HDAC4: variants seen among roughly 807,000 people sequenced by gnomAD.
The protein encoded by HDAC4 is histone deacetylase A.
Under a neutral mutation model 135.1 loss-of-function variants are expected in HDAC4, and 16 were observed. The ratio of observed to expected loss-of-function variants is 0.12; its 90% CI spans 0.08 to 0.18. The LOEUF (loss-of-function observed/expected upper bound fraction) is 0.18. Among genes scored for constraint, HDAC4 ranks in the 10% least tolerant of loss-of-function variants. HDAC4 has a pLI of 1.00. For missense variants in HDAC4, 1,143 were observed against 1,511.8 expected (o/e 0.76, Z 4.05); for synonymous variants, 685 against 653.4 (o/e 1.05, Z -0.74).
At position 239,353,680 on chromosome 2, in the gene HDAC4, C is replaced by T. The variant is rs190782733; in HGVS notation, c.-219-762G>A. Among the ~76,000 whole-genome samples the T allele has an allele frequency of 5.9e-5, 9 of 152,262 alleles. No homozygotes were observed. The East Asian group carries it at 1.5e-3, about 26-fold the overall frequency. ...TCTGATCTAGAGACACCTTCCTTAC[C>T]CCTTCCAGAAGTTTCTCCAACATTA... On this transcript the variant is annotated intron_variant, in intron 1 of 26. Transcript: ENST00000543185.
chr2:239,352,934 G>A lies in HDAC4; in HGVS notation c.-219-16C>T, dbSNP rs886845101. The A allele has an allele frequency of 5.3e-6, 3 of 561,266 alleles. No homozygotes were observed. The highest frequency in any genetic ancestry group is 6.4e-6 in the Non-Finnish European group (2 of 312,856). 34.8% of individuals were successfully genotyped at this position (561,266 alleles called of 1,614,324 possible). The stretch of plus-strand genomic sequence containing the variant: ...GCAGATGAACCTGCAAGGTCAGAAG[G>A]AGAAAAGAGACTGGAGTTACAACAT... On this transcript the variant is annotated splice_polypyrimidine_tract_variant and intron_variant, in intron 1 of 26. Transcript: ENST00000543185. This position sits in a 1 kb window ranked among gnomAD's most constrained non-coding sequence, Gnocchi z 4.4.
intron 2 of HDAC4, among the ~76,000 whole-genome samples, chr2:239,293,268 T>C (rs2051641313): frequency 6.6e-6 from 1 of 152,236 alleles, no homozygotes; most frequent in Non-Finnish European, 1.5e-5. Flanking sequence ...ACTCGGGAGC[T>C]TCCCAGAGCT....
At chr2:239,097,295 C>T (rs1298792705) in intron 16 of HDAC4, among the ~76,000 whole-genome samples, 2 of 152,244 alleles carry the variant, frequency 1.3e-5, no homozygotes, top group South Asian at 2.1e-4. Context: ...GCTCAGCAGG[C>T]ATGCCTCGGC....
intron 3 of HDAC4, chr2:239,191,110 A>C: frequency 2.4e-6 from 1 of 422,612 alleles, no homozygotes; most frequent in Admixed American, 2.5e-5. Context: ...CCACAGGCCC[A>C]CCCCTCAGAA....
chr2:239,185,455 G>A (rs563091139), intron 4 of HDAC4, among the ~76,000 whole-genome samples: 79 of 151,496 alleles, frequency 5.2e-4, no homozygotes, highest in African/African-American at 1.8e-3. Flanking sequence ...GGGGTGTCCC[G>A]TGCCTCCTGG....
At chr2:239,231,039 A>G (rs1323235235) in intron 3 of HDAC4, among the ~76,000 whole-genome samples, 1 of 152,246 alleles carries the variant, frequency 6.6e-6, no homozygotes, top group Non-Finnish European at 1.5e-5. Flanking sequence ...TCCAACGCTG[A>G]AGCCAAACGT....
At chr2:239,093,051 G>A (rs1003908166) in intron 17 of HDAC4, among the ~76,000 whole-genome samples, 7 of 152,140 alleles carry the variant, frequency 4.6e-5, no homozygotes, top group African/African-American at 1.7e-4. Flanking sequence ...GAGGAGCCGC[G>A]GGGAGCCGGG....
intron 6 of HDAC4, chr2:239,161,828 C>T (rs1417788449): frequency 2.5e-6 from 1 of 392,784 alleles, no homozygotes; most frequent in Non-Finnish European, 5.0e-6. Context: ...ACCCCTCCTC[C>T]CTGGAAGCCC....
rs1407647094 is a variant in HDAC4 at position 239,351,790 on chromosome 2, C to G, written c.22+888G>C. The stretch of plus-strand genomic sequence containing the variant: ...GACCCAGAGCCAAGGCTAACAGAGC[C>G]TCAGGTGCCTGTCCAAGCGTCTGTC... On this transcript the variant is annotated intron_variant, in intron 2 of 26. Coordinates refer to ENST00000543185, the MANE Select transcript of HDAC4 (RefSeq NM_001378414.1). 1.1e-4 allele frequency: 17 copies of G among 154,430 alleles called. No individual in the cohort carries two copies. In the Admixed American group the frequency reaches 1.1e-3, roughly 10 times the overall value. The allele number at this position is 154,430 out of a possible 1,614,324, so 9.6% of individuals were successfully genotyped here. A position where few individuals can be genotyped will look rare whatever the true frequency, so the allele number is the denominator to read the frequency against.
chr2:239,096,106 C>T (rs965838941), intron 16 of HDAC4, among the ~76,000 whole-genome samples: 1 of 152,160 alleles, frequency 6.6e-6, no homozygotes, highest in Non-Finnish European at 1.5e-5. Context: ...CTAGGGCTGG[C>T]TGCCGGGGGC....
intron 8 of HDAC4, among the ~76,000 whole-genome samples, chr2:239,142,804 G>T (rs1042728219): frequency 4.1e-5 from 6 of 145,464 alleles, no homozygotes; most frequent in Non-Finnish European, 3.0e-5. Context: ...TGACTCCTGG[G>T]TGAGCTCAGC....
rs2041791571 is a variant in HDAC4, at chr2:239,146,744, T to TG, written c.734-2031dup. 7.0e-6 allele frequency among the ~76,000 whole-genome samples: 1 copy of TG among 142,248 alleles called. No homozygotes were observed. The highest frequency in any genetic ancestry group is 7.1e-5 in the Admixed American group (1 of 14,120). 93.3% of individuals were successfully genotyped at this position (142,248 alleles called of 152,430 possible). A position where few individuals can be genotyped will look rare whatever the true frequency, so the allele number is the denominator to read the frequency against. Reference sequence around the variant, plus strand: ...CCTCCTCTCCCCTTCCACAGGCCTCTGCTCCACGCCCCTCCCAAGGCTGCC... The same window carrying TG: ...CCTCCTCTCCCCTTCCACAGGCCTCTGGCTCCACGCCCCTCCCAAGGCTGCC... On this transcript the variant is annotated intron_variant, in intron 7 of 26. Coordinates refer to ENST00000543185, the MANE Select transcript of HDAC4 (RefSeq NM_001378414.1). This position sits in a 1 kb window ranked among gnomAD's most constrained non-coding sequence, Gnocchi z 4.5.
intron 2 of HDAC4, among the ~76,000 whole-genome samples, chr2:239,338,903 A>G (rs1347816520): frequency 2.0e-5 from 3 of 152,218 alleles, no homozygotes; most frequent in African/African-American, 7.2e-5. Context: ...CCAAAAGCGT[A>G]GGTTCGGTTC....
At chr2:239,376,792 G>A (rs951600945) in intron 1 of HDAC4, among the ~76,000 whole-genome samples, 3 of 151,020 alleles carry the variant, frequency 2.0e-5, no homozygotes, top group Non-Finnish European at 4.4e-5. Context: ...CATAATGCAG[G>A]CATACGGCTG....
chr2:239,328,217 G>A (rs1424027844), intron 2 of HDAC4, among the ~76,000 whole-genome samples: 1 of 152,228 alleles, frequency 6.6e-6, no homozygotes, highest in Non-Finnish European at 1.5e-5. Context: ...TGGCCCAAGT[G>A]TGCTCCCCGG....
intron 2 of HDAC4, chr2:239,351,866 C>T (rs559661950): frequency 1.8e-4 from 27 of 154,124 alleles, no homozygotes; most frequent in African/African-American, 6.5e-4. Flanking sequence ...AAGTCGATGG[C>T]TAAGTGCCCT....
At chr2:239,286,513 C>A (rs999686014) in intron 2 of HDAC4, among the ~76,000 whole-genome samples, 47 of 151,422 alleles carry the variant, frequency 3.1e-4, no homozygotes, top group Non-Finnish European at 5.2e-4. Context: ...GCTGACTCTG[C>A]AGGACTGGGA....
chr2:239,081,537 G>A (rs2035328251), intron 21 of HDAC4, among the ~76,000 whole-genome samples: 1 of 152,238 alleles, frequency 6.6e-6, no homozygotes, highest in Admixed American at 6.5e-5. Context: ...GTCTCTCTGG[G>A]CAGAAAGTGT....
intron 2 of HDAC4, among the ~76,000 whole-genome samples, chr2:239,336,046 A>G (rs1691912550): frequency 6.6e-6 from 1 of 152,242 alleles, no homozygotes; most frequent in Non-Finnish European, 1.5e-5. Flanking sequence ...TTATATACCC[A>G]TTAAATGAAG....
Sources: gnomAD v4.1 joint callset for allele counts (sites outside exome capture counted in the v4.1 genomes callset) on GRCh38, gnomAD v4.1.1 for gene constraint, Gnocchi (gnomAD v3.1) non-coding constraint, MANE v1.5 for transcripts, NCBI Gene and HGNC (gene_info 2026-07-23, HGNC 2026-07-21) for gene names.